The following TACC1 variants were observed in gnomAD, a reference collection of about 807,000 sequenced individuals.
The protein encoded by TACC1 is transforming acidic coiled-coil-containing protein 1.
A neutral mutation model predicts 84.4 loss-of-function variants in TACC1; 48 were observed. That is an observed-to-expected ratio of 0.57 (90% CI 0.45 to 0.72). The LOEUF (loss-of-function observed/expected upper bound fraction) is 0.72, where lower values mean the gene tolerates loss of function less well. Among genes scored for constraint, TACC1 ranks in the 30% least tolerant of loss-of-function variants. TACC1 has a pLI of 0.00. For synonymous variants in TACC1, 372 were observed against 376.3 expected (o/e 0.99, Z 0.13); for missense variants, 920 against 973.0 (o/e 0.95, Z 0.72).
chr8:38,815,608 G>A (rs1825250928), intron 2 of TACC1, among the ~76,000 whole-genome samples: 1 of 151,976 alleles, frequency 6.6e-6, no homozygotes, highest in Non-Finnish European at 1.5e-5. Context: ...TAGTAGAGAT[G>A]GGGTTTCACC....
intron 3 of TACC1, chr8:38,757,388 A>AC: frequency 1.6e-6 from 2 of 1,258,736 alleles, no homozygotes; most frequent in South Asian, 1.3e-5. Context: ...GGGGAGAGGC[A>AC]CCCGAGACCC....
intron 3 of TACC1, among the ~76,000 whole-genome samples, chr8:38,763,477 C>G (rs1405387992): frequency 6.6e-6 from 1 of 152,098 alleles, no homozygotes; most frequent in Non-Finnish European, 1.5e-5. Context: ...TTAGCATAAA[C>G]AAGACATCAC....
intron 8 of TACC1, 137 bp from the exon 9 acceptor site, chr8:38,840,087 A>T (rs1048882913): frequency 2.0e-5 from 7 of 350,966 alleles, no homozygotes; most frequent in Non-Finnish European, 2.6e-5. Flanking sequence ...AAAGATAACG[A>T]GAGCCCCAAA....
chr8:38,777,183 G>C (rs1665525), intron 3 of TACC1, among the ~76,000 whole-genome samples: 1 of 151,546 alleles, frequency 6.6e-6, no homozygotes, highest in Non-Finnish European at 1.5e-5. Context: ...TTGAACCCGG[G>C]AGGCAGAGGT....
rs546340464 is a variant in TACC1 at position 38,750,078 on chromosome 8, C to T, written c.26+4585C>T. 1.0e-3 allele frequency among the ~76,000 whole-genome samples: 153 copies of T among 152,174 alleles called. 5 individuals carry two copies. In the South Asian group the frequency reaches 0.03, roughly 30 times the overall value. On this transcript the variant is annotated intron_variant, in intron 3 of 14. Transcript: ENST00000518415. The stretch of plus-strand genomic sequence containing the variant: ...GTCCTAGCCACTCAGGAGACTGAGG[C>T]AGGAGGTTTGTTGGAGACCAGGAGT...
At chr8:38,808,616 T>C (rs2152114058) in intron 2 of TACC1, among the ~76,000 whole-genome samples, 1 of 152,330 alleles carries the variant, frequency 6.6e-6, no homozygotes, top group African/African-American at 2.4e-5. Flanking sequence ...GGTTTCACCA[T>C]GTTTCCCAGG....
intron 1 of TACC1, among the ~76,000 whole-genome samples, chr8:38,740,123 G>C (rs1430189017): frequency 1.3e-5 from 2 of 152,204 alleles, no homozygotes; most frequent in African/African-American, 4.8e-5. Context: ...CTGTAACTCT[G>C]GGTCTGCCAG....
At chr8:38,785,768 A>G (rs1371882407), upstream of TACC1, 12 of 958,242 alleles carry the variant, frequency 1.3e-5, no homozygotes, top group African/African-American at 1.8e-5. Flanking sequence ...CAACAGTTGG[A>G]TAAGTGGTGT....
At chr8:38,758,969 A>G (rs1249702043) in intron 3 of TACC1, among the ~76,000 whole-genome samples, 7 of 152,216 alleles carry the variant, frequency 4.6e-5, no homozygotes, top group African/African-American at 1.7e-4. Context: ...CTCAACTGGC[A>G]GAGCACACCA....
At chr8:38,783,048 G>A (rs191052468), upstream of TACC1, among the ~76,000 whole-genome samples, 51 of 150,424 alleles carry the variant, frequency 3.4e-4, no homozygotes, top group South Asian at 6.3e-4. Context: ...GCTCTTCAAT[G>A]ACACTAGTGT....
chr8:38,831,719 C>G (rs187832524), intron 6 of TACC1, among the ~76,000 whole-genome samples: 46 of 152,198 alleles, frequency 3.0e-4, no homozygotes, highest in African/African-American at 9.6e-4. Context: ...TGGTCTCAAA[C>G]TCCTGGGCTC....
chr8:38,818,624 A>G (rs1331724593), intron 2 of TACC1, among the ~76,000 whole-genome samples: 1 of 152,208 alleles, frequency 6.6e-6, no homozygotes, highest in African/African-American at 2.4e-5. Context: ...TATTTGTTTT[A>G]AAGCCATTTC....
chr8:38,825,564 CTT>C (rs918983971), intron 4 of TACC1, among the ~76,000 whole-genome samples, 196 bp downstream of exon 4: 3 of 144,038 alleles, frequency 2.1e-5, no homozygotes, highest in Non-Finnish European at 3.1e-5. Flanking sequence ...CACAATGACT[CTT>C]TTTTTTTTTT....
intron 8 of TACC1, chr8:38,839,422 T>C (rs1377142611): frequency 1.3e-5 from 5 of 388,382 alleles, no homozygotes; most frequent in African/African-American, 2.1e-5. Flanking sequence ...GGTCAACACT[T>C]GAATGATTAA....
At chr8:38,729,941 C>T (rs1804597905) in intron 1 of TACC1, among the ~76,000 whole-genome samples, 1 of 152,180 alleles carries the variant, frequency 6.6e-6, no homozygotes, top group Non-Finnish European at 1.5e-5. Context: ...GGATGCAGGT[C>T]CCCTTTGTGG....
At chr8:38,846,454 AAT>A in intron 11 of TACC1, 1 of 347,602 alleles carries the variant, frequency 2.9e-6, no homozygotes, top group Non-Finnish European at 5.2e-6. Flanking sequence ...AAAAAAAAAA[AAT>A]CTAAGACTGT....
Position 38,772,774 on chromosome 8 carries a change from C to T in TACC1, c.27-15930C>T, listed in dbSNP as rs6998253. On this transcript the variant is annotated intron_variant, in intron 3 of 14. Coordinates refer to the TACC1 transcript ENST00000518415. ...GTAAATAAATATTCATATATATTAA[C>T]GTGTTGATTTAAATATTACTATTCA... 4.3e-3 allele frequency among the ~76,000 whole-genome samples: 657 copies of T among 151,614 alleles called. 8 individuals carry two copies. The highest frequency in any genetic ancestry group is 0.014 in the African/African-American group (574 of 41,374).
chr8:38,760,149 A>G (rs894918478), intron 3 of TACC1, among the ~76,000 whole-genome samples: 1 of 152,228 alleles, frequency 6.6e-6, no homozygotes, highest in Admixed American at 6.5e-5. Context: ...GAATAATCTA[A>G]TCAGGTACTA....
intron 9 of TACC1, among the ~76,000 whole-genome samples, chr8:38,841,398 G>C (rs1004456503): frequency 9.9e-5 from 15 of 152,142 alleles, no homozygotes; most frequent in Admixed American, 7.9e-4. Context: ...AACATGGCCT[G>C]AATAGACCAA....
Sources: allele counts gnomAD v4.1 joint callset (sites outside exome capture counted in the v4.1 genomes callset), GRCh38; gene constraint gnomAD v4.1.1; transcripts MANE v1.5; gene names NCBI Gene and HGNC (gene_info 2026-07-23, HGNC 2026-07-21).